Variants in CHST9 observed in about 807,000 individuals in gnomAD.
The protein encoded by CHST9 is GalNAc-4-sulfotransferase 2.
CHST9 carries 41 observed loss-of-function variants against 44.4 expected under a neutral mutation model. The ratio of observed to expected loss-of-function variants is 0.92; its 90% confidence interval spans 0.72 to 1.20. CHST9 has a LOEUF of 1.20. CHST9 is among the 50% of genes most tolerant of loss of function. The pLI is 0.00. For synonymous variants in CHST9, 171 were observed against 178.4 expected (o/e 0.96, Z 0.33); for missense variants, 504 against 516.5 (o/e 0.98, Z 0.23).
chr18:27,147,806 T>C (rs1012447155), intron 1 of CHST9: 1 of 152,090 alleles, frequency 6.6e-6, no homozygotes, highest in Non-Finnish European at 1.5e-5. Context: ...TCACCTAATA[T>C]GTGTGTGTTT....
At chr18:27,046,620 C>T (rs2057503297) in intron 3 of CHST9, among the ~76,000 whole-genome samples, 1 of 151,792 alleles carries the variant, frequency 6.6e-6, no homozygotes. Context: ...CACACTTTAT[C>T]TAAAGAAGTC....
At chr18:27,160,947 G>C (rs188945438) in intron 1 of CHST9, among the ~76,000 whole-genome samples, 1 of 152,030 alleles carries the variant, frequency 6.6e-6, no homozygotes, top group Admixed American at 6.6e-5. Context: ...CTGTGGGATC[G>C]GTGGTGATAT....
chr18:26,921,932 CT>C (rs2055662895), intron 5 of CHST9, among the ~76,000 whole-genome samples: 1 of 152,192 alleles, frequency 6.6e-6, no homozygotes, highest in African/African-American at 2.4e-5. Flanking sequence ...TATTTTACAT[CT>C]CATAATACTT....
At chr18:26,927,209 A>G (rs551402445) in intron 5 of CHST9, among the ~76,000 whole-genome samples, 1 of 152,164 alleles carries the variant, frequency 6.6e-6, no homozygotes, top group Non-Finnish European at 1.5e-5. Flanking sequence ...GCAATTTCAA[A>G]ATGTCAAGTT....
At chr18:26,928,014 C>G (rs1226742370) in intron 5 of CHST9, among the ~76,000 whole-genome samples, 1 of 152,084 alleles carries the variant, frequency 6.6e-6, no homozygotes, top group Admixed American at 6.6e-5. Context: ...ACGCTGCCTT[C>G]AAGCATTTGT....
intron 2 of CHST9, among the ~76,000 whole-genome samples, chr18:27,068,283 C>T (rs372003835): frequency 2.0e-4 from 30 of 151,588 alleles, no homozygotes; most frequent in African/African-American, 6.3e-4. Flanking sequence ...TCCTTTTTTT[C>T]ATACTGACTT....
chr18:27,160,720 G>A (rs1329544994), intron 1 of CHST9, among the ~76,000 whole-genome samples: 4 of 152,116 alleles, frequency 2.6e-5, no homozygotes, highest in Non-Finnish European at 5.9e-5. Context: ...GTATAATTCG[G>A]CAGTGAATCC....
chr18:27,085,770 A>G (rs900772971), intron 2 of CHST9, among the ~76,000 whole-genome samples: 5 of 152,186 alleles, frequency 3.3e-5, no homozygotes, highest in African/African-American at 1.2e-4. Context: ...GTTAATAGGT[A>G]TATACCCAAA....
rs552571942 is a variant in CHST9 at position 26,950,287 on chromosome 18, C to G, written c.203-5921G>C. Among the ~76,000 whole-genome samples, 116 of 152,194 alleles carry G rather than the reference C, an allele frequency of 7.6e-4. 1 individual carries two copies. Among genetic ancestry groups the G allele is most frequent in the African/African-American group, 2.7e-3 (114 of 41,548 alleles). Reference sequence around the variant, plus strand: ...TTTTAAAGATTATGTGACCAGGGCTCAAATACATGCAGAAACTTGTCCAAA... The same window carrying G: ...TTTTAAAGATTATGTGACCAGGGCTGAAATACATGCAGAAACTTGTCCAAA... On this transcript the variant is annotated intron_variant, in intron 4 of 5. Transcript: ENST00000618847.
intron 1 of CHST9, among the ~76,000 whole-genome samples, chr18:27,180,201 T>C (rs2058901124): frequency 6.6e-6 from 1 of 152,170 alleles, no homozygotes; most frequent in South Asian, 2.1e-4. Flanking sequence ...GCACGGGATG[T>C]CTTCTAATGT....
At chr18:27,171,792 A>C (rs778370658) in intron 1 of CHST9, among the ~76,000 whole-genome samples, 1 of 152,206 alleles carries the variant, frequency 6.6e-6, no homozygotes, top group Non-Finnish European at 1.5e-5. Flanking sequence ...ATTTCCAATA[A>C]TTATGATTTT....
At chr18:27,045,061 AC>A (rs1290272768) in intron 3 of CHST9, among the ~76,000 whole-genome samples, 2 of 151,738 alleles carry the variant, frequency 1.3e-5, no homozygotes, top group East Asian at 1.9e-4. Flanking sequence ...AAAAAAAAAA[AC>A]CATTGTTCCT....
intron 4 of CHST9, among the ~76,000 whole-genome samples, chr18:26,994,887 C>T (rs114288123): frequency 6.6e-6 from 1 of 151,688 alleles, no homozygotes; most frequent in Non-Finnish European, 1.5e-5. Context: ...TTGTGCCTGG[C>T]CTGGATTTAT....
At chr18:27,045,801 G>T (rs946989443) in intron 3 of CHST9, among the ~76,000 whole-genome samples, 1 of 151,960 alleles carries the variant, frequency 6.6e-6, no homozygotes. Flanking sequence ...CATCACACAT[G>T]AATCAATAGC....
At chr18:27,181,548 G>A (rs542086360) in intron 1 of CHST9, among the ~76,000 whole-genome samples, 13 of 152,182 alleles carry the variant, frequency 8.5e-5, no homozygotes, top group African/African-American at 2.9e-4. Flanking sequence ...AATATATAAG[G>A]CCTAGGAATG....
intron 2 of CHST9, among the ~76,000 whole-genome samples, chr18:27,125,551 C>T (rs2143820991): frequency 6.6e-6 from 1 of 152,162 alleles, no homozygotes; most frequent in Non-Finnish European, 1.5e-5. Flanking sequence ...TTAACTTTTC[C>T]CCTTCTCAAT....
chr18:26,978,578 ATG>A (rs958222529), intron 4 of CHST9, among the ~76,000 whole-genome samples: 1 of 152,130 alleles, frequency 6.6e-6, no homozygotes, highest in Non-Finnish European at 1.5e-5. Context: ...AGTGTCTATC[ATG>A]TGAGTTTTGT....
At chr18:27,045,046 G>GA (rs767297866) in intron 3 of CHST9, among the ~76,000 whole-genome samples, 8,780 of 100,526 alleles carry the variant, frequency 0.087, 410 homozygotes, top group African/African-American at 0.16. Context: ...TTTGAGTTGA[G>GA]AAAAAAAAAA....
intron 2 of CHST9, among the ~76,000 whole-genome samples, chr18:27,108,359 C>T (rs917973206): frequency 6.6e-6 from 1 of 152,124 alleles, no homozygotes; most frequent in South Asian, 2.1e-4. Flanking sequence ...GATGTCAACA[C>T]GTACATTATT....
Sources: gnomAD v4.1 joint callset for allele counts (sites outside exome capture counted in the v4.1 genomes callset) on GRCh38, gnomAD v4.1.1 for gene constraint, MANE v1.5 for transcripts, NCBI Gene and HGNC (gene_info 2026-07-23, HGNC 2026-07-21) for gene names.